ROBO1: variants seen among roughly 807,000 people sequenced by gnomAD.
ROBO1 encodes the protein roundabout guidance receptor 1.
ROBO1 carries 149 observed loss-of-function variants against 195.9 expected under a neutral mutation model. The ratio of observed to expected loss-of-function variants is 0.76; its 90% CI spans 0.67 to 0.87. ROBO1 has a LOEUF of 0.87. Ranked by LOEUF, ROBO1 falls within the 40% of genes least tolerant of loss-of-function variation. The pLI, the probability that ROBO1 is intolerant of heterozygous loss-of-function variation, is 0.00. For synonymous variants in ROBO1, 816 were observed against 733.2 expected (o/e 1.11, Z -1.82); for missense variants, 1,933 against 2,068.3 (o/e 0.93, Z 1.27).
At chr3:79,203,112 A>G (rs1026852916) in intron 2 of ROBO1, among the ~76,000 whole-genome samples, 1 of 152,190 alleles carries the variant, frequency 6.6e-6, no homozygotes, top group Non-Finnish European at 1.5e-5. Flanking sequence ...ATCCTGTGAC[A>G]GACTGGAATA....
chr3:78,999,523 T>C (rs1352315743), intron 3 of ROBO1, among the ~76,000 whole-genome samples: 4 of 151,920 alleles, frequency 2.6e-5, no homozygotes, highest in Admixed American at 6.6e-5. Flanking sequence ...ATGGGAACAA[T>C]AGATATCAGT....
In ROBO1 at chr3:78,900,428, GAATATAA is replaced by G. The variant is rs1559979062; in HGVS notation, c.499+38166_499+38172del. ...TTTCAGAATATTTTGACAGACCTAA[GAATATAA>G]TCTTTTTCAGTTCTTATACTGCAGC... On this transcript the variant is annotated intron_variant, in intron 4 of 30. Coordinates refer to ENST00000464233, the MANE Select transcript of ROBO1 (RefSeq NM_002941.4). Among the ~76,000 whole-genome samples, 4 of 152,084 alleles carry G rather than the reference GAATATAA, an allele frequency of 2.6e-5. No homozygotes were observed. The East Asian group carries it at 7.7e-4, about 29-fold the overall frequency.
chr3:78,728,233 A>G (rs2082208890), intron 5 of ROBO1, among the ~76,000 whole-genome samples: 1 of 152,074 alleles, frequency 6.6e-6, no homozygotes, highest in Non-Finnish European at 1.5e-5. Flanking sequence ...GAGGAAGGAG[A>G]AATGCATTAT....
intron 3 of ROBO1, among the ~76,000 whole-genome samples, chr3:78,944,264 A>G (rs1430119920): frequency 6.6e-6 from 1 of 152,232 alleles, no homozygotes; most frequent in African/African-American, 2.4e-5. Flanking sequence ...ATAGAGAAAC[A>G]TGCTTTGTTC....
chr3:79,356,917 T>C lies in ROBO1; in HGVS notation c.89-231378A>G, dbSNP rs533760706. On this transcript the variant is annotated intron_variant, in intron 2 of 30. Transcript: ENST00000464233. ...CACTATGGTTTCAAGCCATTTAGTA[T>C]TTGAAATAATGTCAATGTTCTCTGT... Among the ~76,000 whole-genome samples the C allele has an allele frequency of 4.6e-5, 7 of 152,286 alleles. No individual in the cohort carries two copies. In the South Asian group the frequency reaches 1.5e-3, roughly 32 times the overall value.
At chr3:79,025,700 A>C (rs1664064853) in intron 3 of ROBO1, among the ~76,000 whole-genome samples, 2 of 152,186 alleles carry the variant, frequency 1.3e-5, no homozygotes, top group Non-Finnish European at 2.9e-5. Flanking sequence ...AATAACTTCA[A>C]AATCAAAGTT....
intron 29 of ROBO1, 131 bp from the exon 30 acceptor site, chr3:78,600,440 T>C (rs1052723366): frequency 3.1e-6 from 2 of 643,628 alleles, no homozygotes; most frequent in Non-Finnish European, 5.4e-6. Context: ...GAGGACACTC[T>C]ATAAGCATAA....
intron 5 of ROBO1, among the ~76,000 whole-genome samples, chr3:78,741,266 T>C (rs1041531404): frequency 6.6e-6 from 1 of 152,192 alleles, no homozygotes; most frequent in African/African-American, 2.4e-5. Flanking sequence ...AGAAATCCAA[T>C]ACAAAGTATG....
chr3:79,303,957 A>G (rs769425911), intron 2 of ROBO1, among the ~76,000 whole-genome samples: 2 of 152,214 alleles, frequency 1.3e-5, no homozygotes, highest in African/African-American at 2.4e-5. Context: ...ACTACTGTCA[A>G]ATGTTCTCAT....
intron 1 of ROBO1, among the ~76,000 whole-genome samples, chr3:79,755,397 A>G (rs1704332615): frequency 6.6e-6 from 1 of 152,078 alleles, no homozygotes; most frequent in Non-Finnish European, 1.5e-5. Flanking sequence ...AGTTAGCCCA[A>G]TGGGTTACTC....
chr3:79,558,835 A>G (rs557593759), intron 2 of ROBO1, among the ~76,000 whole-genome samples: 2 of 152,304 alleles, frequency 1.3e-5, no homozygotes, highest in South Asian at 2.1e-4. Context: ...GCTGCATAAT[A>G]TATCTTTATA....
intron 3 of ROBO1, among the ~76,000 whole-genome samples, chr3:79,055,796 G>A (rs554794405): frequency 1.4e-4 from 22 of 152,124 alleles, no homozygotes; most frequent in Middle Eastern, 3.4e-3. Flanking sequence ...TTTTAATGGC[G>A]GCCGCTGCCA....
At chr3:79,679,526 A>C (rs1946882000) in intron 1 of ROBO1, among the ~76,000 whole-genome samples, 1 of 152,078 alleles carries the variant, frequency 6.6e-6, no homozygotes, top group African/African-American at 2.4e-5. Flanking sequence ...GTATATGTTT[A>C]AGTATAAAAA....
intron 18 of ROBO1, among the ~76,000 whole-genome samples, chr3:78,652,987 A>G (rs973056811): frequency 2.8e-4 from 43 of 152,148 alleles, no homozygotes; most frequent in African/African-American, 1.0e-3. Context: ...CTCTGTCTGC[A>G]ATTTTGATGT....
chr3:79,633,598 TAG>T (rs1945410673), intron 1 of ROBO1, among the ~76,000 whole-genome samples: 1 of 152,100 alleles, frequency 6.6e-6, no homozygotes, highest in Admixed American at 6.6e-5. Context: ...ATTAGAAACC[TAG>T]AGTGACATCT....
chr3:78,705,417 A>G (rs1205946966), intron 8 of ROBO1, among the ~76,000 whole-genome samples: 3 of 152,208 alleles, frequency 2.0e-5, no homozygotes, highest in African/African-American at 7.2e-5. Context: ...GGATATTTGT[A>G]TTACATGTAC....
chr3:78,933,316 A>G (rs993743175), intron 4 of ROBO1, among the ~76,000 whole-genome samples: 5 of 152,140 alleles, frequency 3.3e-5, no homozygotes, highest in Non-Finnish European at 7.4e-5. Context: ...GATATTTCAT[A>G]TTAACTACTC....
intron 2 of ROBO1, among the ~76,000 whole-genome samples, chr3:79,255,697 TA>T (rs2082820981): frequency 6.6e-6 from 1 of 152,196 alleles, no homozygotes. Flanking sequence ...TTTGTGGTGG[TA>T]ATATATACGA....
intron 2 of ROBO1, among the ~76,000 whole-genome samples, chr3:79,359,554 T>C (rs922205252): frequency 6.6e-6 from 1 of 152,030 alleles, no homozygotes; most frequent in African/African-American, 2.4e-5. Context: ...TTTAAAGGGT[T>C]CTAATGATCA....
Sources: gnomAD v4.1 joint callset for allele counts (sites outside exome capture counted in the v4.1 genomes callset) on GRCh38, gnomAD v4.1.1 for gene constraint, MANE v1.5 for transcripts, NCBI Gene and HGNC (gene_info 2026-07-23, HGNC 2026-07-21) for gene names.